The following RHBDD1 variants were observed in gnomAD, a reference collection of about 807,000 sequenced individuals.
RHBDD1 encodes the protein rhomboid domain containing 1, also known as rhomboid-related protein 4.
RHBDD1 carries 38 observed loss-of-function variants against 36.3 expected under a neutral mutation model. The observed-to-expected ratio is 1.05, with a 90% CI of 0.81 to 1.37. RHBDD1 has a LOEUF of 1.37. Among genes scored for constraint, RHBDD1 ranks in the 40% most tolerant of loss-of-function variants. The pLI is 0.00. For synonymous variants in RHBDD1, 151 were observed against 136.5 expected, an observed-to-expected ratio of 1.11 and a Z score of -0.74; for missense variants, 393 against 377.6, an observed-to-expected ratio of 1.04 and a Z score of -0.34.
intron 8 of RHBDD1, among the ~76,000 whole-genome samples, chr2:226,943,148 C>G (rs772006413): frequency 1.3e-5 from 2 of 152,096 alleles, no homozygotes; most frequent in Non-Finnish European, 2.9e-5. Context: ...AAACTATAAT[C>G]GTGTTGTACT....
In RHBDD1 at chr2:226,995,826, T is replaced by G. The variant is rs917917554; in HGVS notation, c.*304T>G. On this transcript the variant is annotated 3_prime_UTR_variant, in exon 9 of 9. Transcript: ENST00000392062. ...AGCGATGCCTCTGCCTCGGTCTGCTTTTGAAGACTGTGACCTTCACCAGGA... is the reference window on the plus strand; with the variant it reads ...AGCGATGCCTCTGCCTCGGTCTGCTGTTGAAGACTGTGACCTTCACCAGGA... 4 of 353,268 alleles carry G rather than the reference T, an allele frequency of 1.1e-5. No individual in the cohort carries two copies. In the Admixed American group the frequency reaches 1.4e-4, roughly 12 times the overall value. 21.9% of individuals were successfully genotyped at this position (353,268 alleles called of 1,614,324 possible).
rs1959835500 is a variant in RHBDD1 at position 226,997,834 on chromosome 2, T to C, written c.*2312T>C. The stretch of plus-strand genomic sequence containing the variant: ...CTTTAGCACAACAATAAAGATGTTC[T>C]GGAAATTATTATAATTATTTTAGTT... On this transcript the variant is annotated 3_prime_UTR_variant, in exon 9 of 9. Transcript: ENST00000392062. The C allele has an allele frequency of 1.3e-5, 2 of 152,246 alleles. No individual in the cohort carries two copies. Among genetic ancestry groups the C allele is most frequent in the Admixed American group, 6.5e-5 (1 of 15,288 alleles). 9.4% of individuals were successfully genotyped at this position (152,246 alleles called of 1,614,324 possible). A position where few individuals can be genotyped will look rare whatever the true frequency, so the allele number is the denominator to read the frequency against.
rs1011765249 is a variant in RHBDD1, at chr2:226,997,359, T to A, written c.*1837T>A. 1 of 152,236 alleles carries A rather than the reference T, an allele frequency of 6.6e-6. No homozygotes were observed. The highest frequency in any genetic ancestry group is 1.5e-5 in the Non-Finnish European group (1 of 68,046). 9.4% of individuals were successfully genotyped at this position (152,236 alleles called of 1,614,324 possible). A position where few individuals can be genotyped will look rare whatever the true frequency, so the allele number is the denominator to read the frequency against. ...TAACTTCTTTGTTTCATGCCACTTT[T>A]ATAGCATTTGGTAATTCTGCTATAA... On this transcript the variant is annotated 3_prime_UTR_variant, in exon 9 of 9. Coordinates refer to ENST00000392062, the MANE Select transcript of RHBDD1 (RefSeq NM_001167608.3).
intron 8 of RHBDD1, among the ~76,000 whole-genome samples, chr2:226,962,197 A>C (rs1271188052): frequency 2.6e-5 from 4 of 152,340 alleles, no homozygotes; most frequent in African/African-American, 9.6e-5. Context: ...AACTGAGACT[A>C]ATGCCTAAGC....
At chr2:226,947,023 C>T (rs1018689495) in intron 8 of RHBDD1, among the ~76,000 whole-genome samples, 1 of 152,200 alleles carries the variant, frequency 6.6e-6, no homozygotes, top group Admixed American at 6.5e-5. Flanking sequence ...TTCAGCATCC[C>T]TTCATGTTAA....
chr2:226,981,679 C>T (rs1431288893), intron 8 of RHBDD1, among the ~76,000 whole-genome samples: 1 of 152,150 alleles, frequency 6.6e-6, no homozygotes, highest in African/African-American at 2.4e-5. Flanking sequence ...TAATTAGACT[C>T]AGGGTTAAAT....
At chr2:226,843,434 G>A (rs1379405911) in intron 3 of RHBDD1, among the ~76,000 whole-genome samples, 1 of 152,046 alleles carries the variant, frequency 6.6e-6, no homozygotes, top group Non-Finnish European at 1.5e-5. Context: ...ATTATTTTGA[G>A]GTAAGTGCCT....
chr2:226,994,472 G>C (rs1439960769), intron 8 of RHBDD1, among the ~76,000 whole-genome samples: 1 of 152,212 alleles, frequency 6.6e-6, no homozygotes, highest in Admixed American at 6.5e-5. Flanking sequence ...AGCATTACAA[G>C]AGTGAGTAAG....
Position 226,839,644 on chromosome 2 carries a change from A to G in RHBDD1, c.-91+17A>G, listed in dbSNP as rs141602952. 1 of 152,286 alleles carries G rather than the reference A, an allele frequency of 6.6e-6. No individual in the cohort carries two copies. Among genetic ancestry groups the G allele is most frequent in the African/African-American group, 2.4e-5 (1 of 41,558 alleles). 9.4% of individuals were successfully genotyped at this position (152,286 alleles called of 1,614,324 possible). A position where few individuals can be genotyped will look rare whatever the true frequency, so the allele number is the denominator to read the frequency against. ...AGAATTCTGGTAAGTGGGATTCACA[A>G]ACTTGTTCTGAAGACAATTTCCAAG... On this transcript the variant is annotated intron_variant, in intron 3 of 8. Coordinates refer to ENST00000392062, the MANE Select transcript of RHBDD1 (RefSeq NM_001167608.3).
intron 4 of RHBDD1, 116 bp downstream of exon 4, chr2:226,865,242 G>A: frequency 1.2e-6 from 1 of 805,342 alleles, no homozygotes; most frequent in East Asian, 2.5e-5. Context: ...GGGCTGCTGA[G>A]GCTTTGCGTC....
chr2:226,801,094 G>T, the RHBDD1 span, among the ~76,000 whole-genome samples: 3 of 152,218 alleles, frequency 2.0e-5, no homozygotes, highest in Non-Finnish European at 4.4e-5. Flanking sequence ...GTTTGGGGTT[G>T]CCGCCCCTTT....
chr2:226,839,045 AT>A (rs1941323296), intron 2 of RHBDD1, among the ~76,000 whole-genome samples: 1 of 152,192 alleles, frequency 6.6e-6, no homozygotes, highest in Non-Finnish European at 1.5e-5. Context: ...AATTGCTAAT[AT>A]TTTTTTAAAA....
intron 7 of RHBDD1, 61 bp downstream of exon 7, chr2:226,908,939 C>A: frequency 9.3e-7 from 1 of 1,073,236 alleles, no homozygotes; most frequent in Non-Finnish European, 1.4e-6. Context: ...GTGTTCAGCT[C>A]TACAGAGTAC....
intron 8 of RHBDD1, among the ~76,000 whole-genome samples, chr2:226,984,401 G>A (rs902286829): frequency 1.1e-4 from 16 of 152,262 alleles, no homozygotes; most frequent in Non-Finnish European, 1.2e-4. Flanking sequence ...CCTCACATTG[G>A]CAGAGAGTGC....
intron 4 of RHBDD1, among the ~76,000 whole-genome samples, chr2:226,866,491 A>G (rs918824034): frequency 6.6e-6 from 1 of 152,190 alleles, no homozygotes; most frequent in Non-Finnish European, 1.5e-5. Context: ...TTACTAGCAC[A>G]AGGTTACCCA....
chr2:226,807,410 G>A, the RHBDD1 span: 2 of 152,080 alleles, frequency 1.3e-5, no homozygotes, highest in Non-Finnish European at 2.9e-5. Flanking sequence ...AATAACATTA[G>A]TTTCATAAAA....
At chr2:226,838,924 A>G (rs1175765971) in intron 2 of RHBDD1, among the ~76,000 whole-genome samples, 1 of 152,222 alleles carries the variant, frequency 6.6e-6, no homozygotes, top group Non-Finnish European at 1.5e-5. Context: ...GTAATAAAGT[A>G]TCTTCTGTTA....
At chr2:226,814,141 GA>G in the RHBDD1 span, among the ~76,000 whole-genome samples, 2 of 152,180 alleles carry the variant, frequency 1.3e-5, no homozygotes, top group Non-Finnish European at 2.9e-5. Flanking sequence ...GAAAAGTCAT[GA>G]AGGAAAGATG....
the RHBDD1 span, among the ~76,000 whole-genome samples, chr2:226,827,326 T>A: frequency 1.1e-4 from 17 of 152,206 alleles, no homozygotes; most frequent in Non-Finnish European, 1.9e-4. Flanking sequence ...AATCTACAGA[T>A]AACCTTTCCA....
Sources: gnomAD v4.1 joint callset for allele counts (sites outside exome capture counted in the v4.1 genomes callset) on GRCh38, gnomAD v4.1.1 for gene constraint, MANE v1.5 for transcripts, NCBI Gene and HGNC (gene_info 2026-07-23, HGNC 2026-07-21) for gene names.